ZNF469: variants seen among roughly 807,000 people sequenced by gnomAD.
The protein encoded by ZNF469 is zinc finger protein 469.
In ZNF469, 1 loss-of-function variant was observed where a neutral mutation model predicts 1.0. The observed-to-expected ratio is 1.00, with a 90% CI of 0.35 to 4.73. ZNF469 has a LOEUF of 4.73. ZNF469 is among the 30% of genes most tolerant of loss of function. The probability of loss-of-function intolerance (pLI) is 0.16; values close to 1 mark genes in which losing one functional copy is unlikely to be tolerated. For missense variants in ZNF469, 6,100 were observed against 5,356.3 expected (o/e 1.14, Z -4.33); for synonymous variants, 2,703 against 2,363.4 (o/e 1.14, Z -4.17).
chr16:88,429,967 G>A lies in ZNF469; in HGVS notation c.2497G>A (p.Asp833Asn), dbSNP rs2142301814. The change falls in exon 3 of 3, where the codon GAC (aspartate) becomes AAC (asparagine). Residue 833 changes from aspartate to asparagine, a missense_variant. Coordinates refer to ENST00000565624, the MANE Select transcript of ZNF469 (RefSeq NM_001367624.2). ...TPFPLPASDL[D>N]MEDDAKLDSL... ...CTTCCCGCTCCCTGCCTCGGACCTG[G>A]ACATGGAGGATGACGCCAAGCTGGA... The A allele has an allele frequency of 1.3e-6, 2 of 1,550,326 alleles. No individual in the cohort carries two copies. The highest frequency in any genetic ancestry group is 1.7e-6 in the Non-Finnish European group (2 of 1,146,958).
rs559565235 is a variant in ZNF469, at chr16:88,432,085, G to A, written c.4615G>A (p.Ala1539Thr). The change falls in exon 3 of 3, where the codon GCC becomes ACC. Residue 1539 changes from alanine (A) to threonine (T), a missense_variant. Ala to Thr is a moderately conservative substitution (Grantham distance 58, BLOSUM62 0). Transcript: ENST00000565624. ...PPERTVVPGA[A>T]PSLPGKGSGC... ...TGAACGGACAGTGGTTCCCGGCGCC[G>A]CCCCATCTTTGCCTGGGAAGGGGAG... 5.0e-5 allele frequency: 77 copies of A among 1,550,508 alleles called. No homozygotes were observed. The highest frequency in any genetic ancestry group is 9.8e-5 in the East Asian group (4 of 40,916).
In ZNF469 at chr16:88,433,348, G is replaced by C; in HGVS notation, c.5878G>C (p.Gly1960Arg). 1.3e-6 allele frequency: 2 copies of C among 1,550,284 alleles called. No individual in the cohort carries two copies. The highest frequency in any genetic ancestry group is 1.7e-6 in the Non-Finnish European group (2 of 1,146,914). The change falls in exon 3 of 3, where the codon GGG becomes CGG. Residue 1960 changes from glycine to arginine, a missense_variant. Transcript: ENST00000565624. ...CTGTGGCCCCGCCCAGGGCTCCCCAGGGGGTGTGCAGGTGACAACTCTCCC... is the reference window on the plus strand; with the variant it reads ...CTGTGGCCCCGCCCAGGGCTCCCCACGGGGTGTGCAGGTGACAACTCTCCC... Reference protein sequence around the residue: ...VACGPAQGSPGGVQVTTLPAV... With the variant: ...VACGPAQGSPRGVQVTTLPAV...
At chr16:88,296,009 A>C in the ZNF469 span, among the ~76,000 whole-genome samples, 7 of 152,326 alleles carry the variant, frequency 4.6e-5, no homozygotes, top group African/African-American at 1.7e-4. Context: ...CCTGGCTTTG[A>C]TAAGCGTCCC....
At chr16:88,223,390 TA>T in the ZNF469 span, among the ~76,000 whole-genome samples, 2 of 152,172 alleles carry the variant, frequency 1.3e-5, no homozygotes, top group Non-Finnish European at 2.9e-5. Flanking sequence ...GTGAGTCCAT[TA>T]AACCTCTTTT....
chr16:88,229,569 G>GTGTGGATGTCACA, the ZNF469 span, among the ~76,000 whole-genome samples: 6 of 147,066 alleles, frequency 4.1e-5, no homozygotes, highest in South Asian at 2.2e-4. Flanking sequence ...TGGATGTCAC[G>GTGTGGATGTCACA]CTTGTGCGCT....
At position 88,436,606 on chromosome 16, in the gene ZNF469, T is replaced by C; in HGVS notation, c.9136T>C (p.Phe3046Leu). The change falls in exon 3 of 3, where the codon TTT becomes CTT. Residue 3046 changes from phenylalanine to leucine, a missense_variant. Coordinates refer to ENST00000565624, the MANE Select transcript of ZNF469 (RefSeq NM_001367624.2). ...CCTGCTGCCGCTCCGTGCCACGGAC[T>C]TTGAGGTGCTCAGCACCAAGTTTGA... Reference protein sequence around the residue: ...THLLPLRATDFEVLSTKFEMQ... With the variant: ...THLLPLRATDLEVLSTKFEMQ... 1 of 1,550,274 alleles carries C rather than the reference T, an allele frequency of 6.5e-7. No individual in the cohort carries two copies.
chr16:88,363,910 T>G, the ZNF469 span, among the ~76,000 whole-genome samples: 1 of 152,120 alleles, frequency 6.6e-6, no homozygotes, highest in East Asian at 1.9e-4. Context: ...TAGTTGGCCA[T>G]TAGCAGGAAC....
chr16:88,234,116 C>A, the ZNF469 span, among the ~76,000 whole-genome samples: 2 of 152,216 alleles, frequency 1.3e-5, no homozygotes, highest in East Asian at 3.8e-4. Flanking sequence ...AGAGGAGAAG[C>A]CCTGTGTACA....
At chr16:88,422,005 G>C (rs1471456424) in intron 1 of ZNF469, among the ~76,000 whole-genome samples, 1 of 152,068 alleles carries the variant, frequency 6.6e-6, no homozygotes, top group Non-Finnish European at 1.5e-5. Flanking sequence ...GAGGGGATGG[G>C]CAGGTGGGTA....
the ZNF469 span, among the ~76,000 whole-genome samples, chr16:88,333,882 G>GTGTGTGTGTT: frequency 6.6e-6 from 1 of 151,514 alleles, no homozygotes; most frequent in Non-Finnish European, 1.5e-5. Context: ...GTGTGTGTTT[G>GTGTGTGTGTT]TGTGTCTGTG....
the ZNF469 span, among the ~76,000 whole-genome samples, chr16:88,221,136 C>T: frequency 6.6e-6 from 1 of 152,158 alleles, no homozygotes; most frequent in South Asian, 2.1e-4. Context: ...GACACAGTGA[C>T]CCAGGCCTGG....
chr16:88,395,237 AGATGGATGGATGGATGGATGGATGGATG>A (rs750119902), intron 1 of ZNF469, among the ~76,000 whole-genome samples: 1 of 35,906 alleles, frequency 2.8e-5, no homozygotes, highest in Non-Finnish European at 6.6e-5. Context: ...GTGGATGGGT[AGATGGATGGATGGATGGATGGATGGATG>A]GATGGATGGA....
intron 1 of ZNF469, among the ~76,000 whole-genome samples, chr16:88,410,999 G>A (rs749542448): frequency 6.6e-5 from 10 of 152,098 alleles, no homozygotes; most frequent in African/African-American, 1.9e-4. Context: ...CTCCTCCTGC[G>A]TCCGTCTCCC....
At chr16:88,195,847 A>C in the ZNF469 span, among the ~76,000 whole-genome samples, 4 of 152,188 alleles carry the variant, frequency 2.6e-5, no homozygotes, top group Non-Finnish European at 5.9e-5. Context: ...ATTCCATGTC[A>C]ACTGGTCAGG....
the ZNF469 span, among the ~76,000 whole-genome samples, chr16:88,273,049 A>C: frequency 1.3e-5 from 2 of 152,020 alleles, no homozygotes; most frequent in Non-Finnish European, 2.9e-5. Flanking sequence ...TGGATAGACG[A>C]GTGGATAGAT....
chr16:88,256,943 TTTCTTTCTTTTC>T, the ZNF469 span, among the ~76,000 whole-genome samples: 3 of 4,374 alleles, frequency 6.9e-4, no homozygotes, highest in Non-Finnish European at 1.6e-3. Context: ...TCTTTCTTTC[TTTCTTTCTTTTC>T]TTTTCTTTCG....
chr16:88,210,555 A>G, the ZNF469 span, among the ~76,000 whole-genome samples: 1 of 152,210 alleles, frequency 6.6e-6, no homozygotes, highest in African/African-American at 2.4e-5. Context: ...TGTATGGTTT[A>G]ATTTTTTACA....
chr16:88,420,155 C>T (rs1346344188), intron 1 of ZNF469, among the ~76,000 whole-genome samples: 2 of 152,236 alleles, frequency 1.3e-5, no homozygotes, highest in African/African-American at 2.4e-5. Context: ...GCAGTTCTCC[C>T]GCAGCTCCCC....
rs754660921 is a variant in ZNF469, at chr16:88,435,083, G to A, written c.7613G>A (p.Arg2538Lys). The change falls in exon 3 of 3, where the codon AGA becomes AAA. Residue 2538 changes from arginine to lysine, a missense_variant. Transcript: ENST00000565624. ...AGCCACAGGGTGTCTGGGAAGGAGA[G>A]ACCAAATCACTCACGGGGAGACCCC... ...KKSHRVSGKE[R>K]PNHSRGDPSH... 26 of 1,550,410 alleles carry A rather than the reference G, an allele frequency of 1.7e-5. No individual in the cohort carries two copies. The South Asian group carries it at 2.4e-4, about 14-fold the overall frequency.
Sources: gnomAD v4.1 joint callset for allele counts (sites outside exome capture counted in the v4.1 genomes callset) on GRCh38, gnomAD v4.1.1 for gene constraint, MANE v1.5 for transcripts, NCBI Gene and HGNC (gene_info 2026-07-23, HGNC 2026-07-21) for gene names.